N4BP2L2: variants seen among roughly 807,000 people sequenced by gnomAD.
The protein encoded by N4BP2L2 is NEDD4 binding protein 2 like 2.
A neutral mutation model predicts 56.2 loss-of-function variants in N4BP2L2; 50 were observed. The ratio of observed to expected loss-of-function variants is 0.89; its 90% CI spans 0.71 to 1.13. N4BP2L2 has a LOEUF of 1.13. Ranked by LOEUF, N4BP2L2 falls within the 50% of genes most tolerant of loss-of-function variation. The probability of loss-of-function intolerance (pLI) is 0.00; values close to 1 mark genes in which losing one functional copy is unlikely to be tolerated. For synonymous variants in N4BP2L2, 203 were observed against 223.6 expected (o/e 0.91, Z 0.82); for missense variants, 689 against 693.8 (o/e 0.99, Z 0.08).
rs35925361 is a variant in N4BP2L2, at chr13:32,526,818, G to GTTTTT, written c.1384+585_1384+589dup. 123 of 23,826 alleles carry GTTTTT rather than the reference G, an allele frequency of 5.2e-3. 1 individual carries two copies. The highest frequency in any genetic ancestry group is 6.9e-3 in the Non-Finnish European group (85 of 12,288). The allele number at this position is 23,826 out of a possible 1,614,324, so 1.5% of individuals were successfully genotyped here. A position where few individuals can be genotyped will look rare whatever the true frequency, so the allele number is the denominator to read the frequency against. On this transcript the variant is annotated intron_variant, in intron 3 of 5. Coordinates refer to ENST00000267068, the Ensembl canonical transcript of N4BP2L2. ...CTGAGGCCAGGCACACTTTTTGTCT[G>GTTTTT]TTTTTTTTTTTTTTTTTTTTTTTTT...
intron 6 of N4BP2L2, chr13:32,480,628 T>C: frequency 7.8e-7 from 1 of 1,288,148 alleles, no homozygotes; most frequent in Non-Finnish European, 1.0e-6. Flanking sequence ...TGATATTTCT[T>C]CAGTCACACC....
chr13:32,445,943 T>C (rs370162821), intron 6 of N4BP2L2, among the ~76,000 whole-genome samples: 1 of 152,080 alleles, frequency 6.6e-6, no homozygotes, highest in African/African-American at 2.4e-5. Flanking sequence ...AAGGTGACAA[T>C]GAAGACTTAG....
At chr13:32,497,962 A>AT (rs1232352808) in intron 6 of N4BP2L2, among the ~76,000 whole-genome samples, 2 of 152,100 alleles carry the variant, frequency 1.3e-5, no homozygotes, top group African/African-American at 2.4e-5. Context: ...AAAAAAAAAA[A>AT]TTTTATAGAA....
At chr13:32,521,321 C>A in intron 5 of N4BP2L2, 52 bp downstream of exon 5, 1 of 1,337,392 alleles carries the variant, frequency 7.5e-7, no homozygotes, top group South Asian at 1.2e-5. Flanking sequence ...TGTCAGAATT[C>A]ACAAAAGAAA....
chr13:32,489,924 T>C (rs2086692957), intron 6 of N4BP2L2, among the ~76,000 whole-genome samples: 1 of 152,216 alleles, frequency 6.6e-6, no homozygotes, highest in Non-Finnish European at 1.5e-5. Context: ...AGATCAGGCT[T>C]AGATTTTATG....
chr13:32,475,023 A>AT (rs1369994048), intron 6 of N4BP2L2, among the ~76,000 whole-genome samples: 4 of 152,144 alleles, frequency 2.6e-5, no homozygotes, highest in Non-Finnish European at 5.9e-5. Flanking sequence ...TCTATTATAT[A>AT]TTTTTCATCA....
At chr13:32,531,076 A>C (rs2054646586) in intron 2 of N4BP2L2, among the ~76,000 whole-genome samples, 2 of 152,164 alleles carry the variant, frequency 1.3e-5, no homozygotes, top group South Asian at 4.1e-4. Flanking sequence ...CAAGGAACTC[A>C]GTCCTGTCAA....
intron 2 of N4BP2L2, 37 bp downstream of exon 2, chr13:32,535,732 T>G: frequency 6.4e-7 from 1 of 1,565,376 alleles, no homozygotes; most frequent in South Asian, 1.2e-5. Context: ...TTTTAAATAA[T>G]GAATTACCAA....
chr13:32,518,085 C>T (rs1594024081), intron 5 of N4BP2L2, 82 bp from the exon 6 acceptor site: 7 of 1,233,594 alleles, frequency 5.7e-6, no homozygotes, highest in East Asian at 2.6e-5. Context: ...AAAAAGCACA[C>T]AAATTCTAAA....
At chr13:32,467,242 G>A (rs1043016268) in intron 6 of N4BP2L2, among the ~76,000 whole-genome samples, 2 of 150,938 alleles carry the variant, frequency 1.3e-5, no homozygotes, top group African/African-American at 4.9e-5. Flanking sequence ...GAAATTGGTT[G>A]TTATTATGAG....
exon 4 of N4BP2L2, chr13:32,522,184 C>G: frequency 2.0e-6 from 3 of 1,531,162 alleles, no homozygotes; most frequent in Non-Finnish European, 2.7e-6. Flanking sequence ...ATATTTACCA[C>G]TTCCACATAT....
chr13:32,435,435 T>C (rs1367033623), intron 9 of N4BP2L2, among the ~76,000 whole-genome samples: 4 of 152,076 alleles, frequency 2.6e-5, no homozygotes, highest in Admixed American at 2.0e-4. Flanking sequence ...GGTTTTGCCA[T>C]GTTGGCTAGG....
chr13:32,445,070 G>A (rs1330185423), intron 6 of N4BP2L2, among the ~76,000 whole-genome samples: 2 of 152,118 alleles, frequency 1.3e-5, no homozygotes, highest in Non-Finnish European at 2.9e-5. Context: ...CCAACGTGGC[G>A]AAACCCTGTC....
At chr13:32,432,661 G>T (rs1296191512) in exon 10 of N4BP2L2, 1 of 151,976 alleles carries the variant, frequency 6.6e-6, no homozygotes, top group African/African-American at 2.4e-5. Context: ...TGGATATAGG[G>T]GCTAACCTTT....
intron 6 of N4BP2L2, among the ~76,000 whole-genome samples, chr13:32,491,621 A>T (rs922267952): frequency 9.6e-5 from 10 of 104,452 alleles, no homozygotes; most frequent in South Asian, 2.8e-4. Context: ...TATGTATATT[A>T]TATATATATA....
At chr13:32,485,754 C>G (rs2085722057) in intron 6 of N4BP2L2, among the ~76,000 whole-genome samples, 1 of 152,034 alleles carries the variant, frequency 6.6e-6, no homozygotes, top group African/African-American at 2.4e-5. Context: ...TGACAGAAAT[C>G]CTTAACAAAC....
chr13:32,475,359 G>C (rs1040630652), intron 6 of N4BP2L2, among the ~76,000 whole-genome samples: 1 of 152,182 alleles, frequency 6.6e-6, no homozygotes, highest in East Asian at 1.9e-4. Context: ...AAAGAAGAGA[G>C]AGAGAAAGCT....
At chr13:32,465,444 A>T (rs1039194923) in intron 6 of N4BP2L2, among the ~76,000 whole-genome samples, 2 of 152,198 alleles carry the variant, frequency 1.3e-5, no homozygotes, top group Non-Finnish European at 2.9e-5. Context: ...ACCCACAATG[A>T]GAACATAGCA....
intron 6 of N4BP2L2, among the ~76,000 whole-genome samples, chr13:32,500,017 C>T (rs2089652758): frequency 6.6e-6 from 1 of 152,208 alleles, no homozygotes; most frequent in Non-Finnish European, 1.5e-5. Context: ...TATTTGCTGA[C>T]TGAACTTTTT....
Sources: gnomAD v4.1 joint callset for allele counts (sites outside exome capture counted in the v4.1 genomes callset) on GRCh38, gnomAD v4.1.1 for gene constraint, MANE v1.5 for transcripts, NCBI Gene and HGNC (gene_info 2026-07-23, HGNC 2026-07-21) for gene names.